The following SLC1A7 variants were observed in gnomAD, a reference collection of about 807,000 sequenced individuals.
The protein encoded by SLC1A7 is solute carrier family 1 member 7.
In SLC1A7, 40 loss-of-function variants were observed where a neutral mutation model predicts 47.7. The ratio of observed to expected loss-of-function variants is 0.84; its 90% CI spans 0.65 to 1.09. The LOEUF (loss-of-function observed/expected upper bound fraction) is 1.09. Ranked by LOEUF, SLC1A7 falls within the 50% of genes least tolerant of loss-of-function variation. The probability of loss-of-function intolerance (pLI) is 0.00; values close to 1 mark genes in which losing one functional copy is unlikely to be tolerated. For missense variants in SLC1A7, 746 were observed against 769.5 expected (o/e 0.97, Z 0.36); for synonymous variants, 323 against 325.6 (o/e 0.99, Z 0.09).
intron 5 of SLC1A7, among the ~76,000 whole-genome samples, chr1:53,101,803 C>T (rs1225961760): frequency 1.3e-5 from 2 of 151,344 alleles, no homozygotes; most frequent in African/African-American, 4.9e-5. Context: ...TACCTTGGTA[C>T]ACTTACACAC....
intron 1 of SLC1A7, among the ~76,000 whole-genome samples, chr1:53,140,117 T>A (rs2150349220): frequency 6.6e-6 from 1 of 152,324 alleles, no homozygotes; most frequent in Non-Finnish European, 1.5e-5. Context: ...AATCCCAGAT[T>A]TCAAAGTAAG....
intron 5 of SLC1A7, among the ~76,000 whole-genome samples, chr1:53,096,314 C>A (rs1009965688): frequency 6.7e-6 from 1 of 150,266 alleles, no homozygotes; most frequent in African/African-American, 2.5e-5. Flanking sequence ...GGTAAACTCA[C>A]CCCATCTTGG....
intron 2 of SLC1A7, among the ~76,000 whole-genome samples, chr1:53,124,250 A>ATG (rs201337241): frequency 0.016 from 6 of 382 alleles, no homozygotes; most frequent in Non-Finnish European, 0.097. Flanking sequence ...TACATACACA[A>ATG]CACACACACA....
At chr1:53,118,476 C>T (rs1242869378) in intron 2 of SLC1A7, 1 of 152,202 alleles carries the variant, frequency 6.6e-6, no homozygotes, top group Non-Finnish European at 1.5e-5. Context: ...CTCTCTGGGA[C>T]TTTACTGTTC....
Position 53,088,238 on chromosome 1 carries a change from G to C in SLC1A7, c.1465-11C>G. 6.3e-7 allele frequency: 1 copy of C among 1,592,342 alleles called. No homozygotes were observed. Among genetic ancestry groups the C allele is most frequent in the South Asian group, 1.1e-5 (1 of 87,838 alleles). ...GCAGGGCAGCAGTTTCTGGTGAAGGGAAACAGGTCTTTGTAGCAGCAGGAG... is the reference window on the plus strand; with the variant it reads ...GCAGGGCAGCAGTTTCTGGTGAAGGCAAACAGGTCTTTGTAGCAGCAGGAG... On this transcript the variant is annotated splice_polypyrimidine_tract_variant and intron_variant, in intron 10 of 10. Coordinates refer to ENST00000371494, the MANE Select transcript of SLC1A7 (RefSeq NM_006671.6).
chr1:53,089,130 C>T, intron 9 of SLC1A7, 151 bp from the exon 10 acceptor site: 1 of 663,954 alleles, frequency 1.5e-6, no homozygotes, highest in Non-Finnish European at 2.7e-6. Flanking sequence ...CCAAGCCCAC[C>T]CTTTGGCATC....
At chr1:53,122,006 G>A (rs1353648150) in intron 2 of SLC1A7, among the ~76,000 whole-genome samples, 2 of 152,060 alleles carry the variant, frequency 1.3e-5, no homozygotes, top group Non-Finnish European at 2.9e-5. Flanking sequence ...CCTGGTTGCG[G>A]GGAGCAGCTG....
At chr1:53,136,973 G>T (rs1163850578) in intron 1 of SLC1A7, among the ~76,000 whole-genome samples, 6 of 150,660 alleles carry the variant, frequency 4.0e-5, no homozygotes, top group African/African-American at 1.2e-4. Flanking sequence ...GCACCCACAT[G>T]TATATATTCT....
At chr1:53,090,567 C>T in intron 8 of SLC1A7, 45 bp downstream of exon 8, 2 of 1,507,232 alleles carry the variant, frequency 1.3e-6, no homozygotes, top group Non-Finnish European at 1.8e-6. Context: ...TCCCCAAGGC[C>T]CCCAGCCCCC....
At chr1:53,117,470 C>G (rs1159566128) in intron 2 of SLC1A7, among the ~76,000 whole-genome samples, 1 of 152,152 alleles carries the variant, frequency 6.6e-6, no homozygotes, top group African/African-American at 2.4e-5. Flanking sequence ...AAAACCTGAC[C>G]TAAGAACTCA....
chr1:53,140,644 A>G lies in SLC1A7; in HGVS notation c.135+1671T>C, dbSNP rs183227425. ...TAGGACTTTAACAGGTACATAAGGG[A>G]GGGAGGGGGAAGTAACACGTAGTAA... is the stretch of plus-strand genomic sequence containing the variant. On this transcript the variant is annotated intron_variant, in intron 1 of 10. Transcript: ENST00000371494. 2.3e-3 allele frequency among the ~76,000 whole-genome samples: 357 copies of G among 152,296 alleles called. 1 individual carries two copies. Among genetic ancestry groups the G allele is most frequent in the African/African-American group, 7.9e-3 (328 of 41,568 alleles).
chr1:53,123,636 G>C (rs1225489353), intron 2 of SLC1A7, among the ~76,000 whole-genome samples: 1 of 152,238 alleles, frequency 6.6e-6, no homozygotes, highest in Non-Finnish European at 1.5e-5. Flanking sequence ...ATCGGGCTGG[G>C]CCTCCCAGAG....
intron 5 of SLC1A7, among the ~76,000 whole-genome samples, chr1:53,098,039 C>T (rs746043203): frequency 1.0e-4 from 15 of 149,800 alleles, no homozygotes; most frequent in Non-Finnish European, 1.9e-4. Flanking sequence ...ACTCACATAC[C>T]CTGCCTCCGT....
chr1:53,108,685 A>G, intron 3 of SLC1A7: 1 of 717,244 alleles, frequency 1.4e-6, no homozygotes, highest in South Asian at 1.5e-5. Flanking sequence ...ATGGACCATG[A>G]GACTCAGATG....
intron 2 of SLC1A7, among the ~76,000 whole-genome samples, chr1:53,131,564 T>C (rs924130688): frequency 3.3e-5 from 5 of 152,182 alleles, no homozygotes; most frequent in Non-Finnish European, 5.9e-5. Context: ...TTCCTGTCAG[T>C]CTCCCCAGCA....
At chr1:53,120,288 A>G (rs1417813190) in intron 2 of SLC1A7, among the ~76,000 whole-genome samples, 1 of 152,074 alleles carries the variant, frequency 6.6e-6, no homozygotes, top group South Asian at 2.1e-4. Context: ...CAGCTCTGCC[A>G]TTTGCCAAGC....
At position 53,088,145 on chromosome 1, in the gene SLC1A7, G is replaced by A. The variant is rs1572287915; in HGVS notation, c.1547C>T (p.Ala516Val). The A allele has an allele frequency of 1.2e-6, 2 of 1,613,528 alleles. No individual in the cohort carries two copies. Among genetic ancestry groups the A allele is most frequent in the Non-Finnish European group, 1.7e-6 (2 of 1,179,746 alleles). Residue 516 changes from alanine to valine, a missense_variant, in exon 11 of 11, where the codon GCC (alanine) becomes GTC (valine). Transcript: ENST00000371494. ...GCCCAGGGTGAGCTCGGAGGCCTCG[G>A]CTACACTCTTCACACAGCCATTCTG... ...AQQNGCVKSV[A>V]EASELTLGPT... is the part of the protein sequence containing the mutation.
chr1:53,126,693 C>G (rs1644886306), intron 2 of SLC1A7, among the ~76,000 whole-genome samples: 3 of 152,216 alleles, frequency 2.0e-5, no homozygotes, highest in South Asian at 2.1e-4. Context: ...GGGGCCCAGA[C>G]AGTTGGGCTT....
chr1:53,136,627 TATA>T (rs1463177221), intron 1 of SLC1A7, among the ~76,000 whole-genome samples: 2 of 124,328 alleles, frequency 1.6e-5, no homozygotes, highest in Admixed American at 8.5e-5. Context: ...TATAAACATA[TATA>T]ATATATAAAA....
Sources: allele counts gnomAD v4.1 joint callset (sites outside exome capture counted in the v4.1 genomes callset), GRCh38; gene constraint gnomAD v4.1.1; transcripts MANE v1.5; gene names NCBI Gene and HGNC (gene_info 2026-07-23, HGNC 2026-07-21).